DNAH9: variants seen among roughly 807,000 people sequenced by gnomAD.
DNAH9 encodes the protein DNAH9 variant protein.
DNAH9 carries 345 observed loss-of-function variants against 471.6 expected under a neutral mutation model. That is an observed-to-expected ratio of 0.73 (90% CI 0.67 to 0.80). The LOEUF (loss-of-function observed/expected upper bound fraction) is 0.80, where lower values mean the gene tolerates loss of function less well. Among genes scored for constraint, DNAH9 ranks in the 30% least tolerant of loss-of-function variants. The pLI, the probability that DNAH9 is intolerant of heterozygous loss-of-function variation, is 0.00. For synonymous variants in DNAH9, 2,093 were observed against 2,123.6 expected, an observed-to-expected ratio of 0.99 and a Z score of 0.40; for missense variants, 5,407 against 5,609.2, an observed-to-expected ratio of 0.96 and a Z score of 1.15.
At chr17:11,728,013 TCTACGTC>T in intron 28 of DNAH9, 91 bp downstream of exon 28, 1 of 801,474 alleles carries the variant, frequency 1.2e-6, no homozygotes. Context: ...CTCCTGAGCA[TCTACGTC>T]CCTTTTTCCC....
At chr17:11,653,099 G>A (rs1285953052) in intron 14 of DNAH9, 97 bp downstream of exon 14, 4 of 1,286,756 alleles carry the variant, frequency 3.1e-6, no homozygotes, top group Non-Finnish European at 4.3e-6. Flanking sequence ...GTCAGTAAGT[G>A]CAGTGTCTTC....
intron 1 of DNAH9, among the ~76,000 whole-genome samples, chr17:11,604,098 C>G (rs1040333082): frequency 2.6e-5 from 4 of 151,678 alleles, no homozygotes; most frequent in Admixed American, 6.6e-5. Flanking sequence ...TCTCCGCTTG[C>G]TGCAACCTCC....
At chr17:11,948,298 G>T (rs894982885) in intron 67 of DNAH9, among the ~76,000 whole-genome samples, 1 of 136,796 alleles carries the variant, frequency 7.3e-6, no homozygotes, top group Non-Finnish European at 1.5e-5. Flanking sequence ...ACACGATCTC[G>T]GCTCACTGCA....
chr17:11,861,722 T>A (rs202106198), intron 50 of DNAH9, among the ~76,000 whole-genome samples: 1 of 151,988 alleles, frequency 6.6e-6, no homozygotes, highest in South Asian at 2.1e-4. Context: ...CCATTCTAAC[T>A]GGTGTGAGAT....
chr17:11,677,484 G>T (rs1260905643), intron 17 of DNAH9, among the ~76,000 whole-genome samples: 3 of 152,044 alleles, frequency 2.0e-5, no homozygotes, highest in Non-Finnish European at 4.4e-5. Context: ...GGTGACATTT[G>T]CTTAGTGCAT....
chr17:11,864,861 T>G (rs201594109), intron 50 of DNAH9, among the ~76,000 whole-genome samples: 66,572 of 151,420 alleles, frequency 0.44, 15,589 homozygotes, highest in Non-Finnish European at 0.53. Context: ...CTTTTTTTGT[T>G]TTCCATTTGC....
At chr17:11,655,646 A>G (rs2150708240) in intron 14 of DNAH9, among the ~76,000 whole-genome samples, 1 of 150,930 alleles carries the variant, frequency 6.6e-6, no homozygotes, top group African/African-American at 2.4e-5. Context: ...GTATATACAT[A>G]GACACACACA....
intron 14 of DNAH9, among the ~76,000 whole-genome samples, chr17:11,664,076 A>G (rs1227477900): frequency 2.0e-5 from 3 of 152,214 alleles, no homozygotes; most frequent in Admixed American, 6.5e-5. Flanking sequence ...TTCTGAAGAT[A>G]TTAGATAACT....
At chr17:11,731,882 C>T (rs1020349234) in intron 28 of DNAH9, among the ~76,000 whole-genome samples, 2 of 152,110 alleles carry the variant, frequency 1.3e-5, no homozygotes, top group African/African-American at 2.4e-5. Flanking sequence ...GTCTTTATAG[C>T]AGCATGATTT....
At chr17:11,830,291 A>T (rs970646247) in intron 48 of DNAH9, among the ~76,000 whole-genome samples, 1 of 152,152 alleles carries the variant, frequency 6.6e-6, no homozygotes, top group East Asian at 1.9e-4. Context: ...TCCTCCCAGC[A>T]CCTACATTTA....
intron 49 of DNAH9, among the ~76,000 whole-genome samples, chr17:11,837,775 C>A (rs1350167300): frequency 6.6e-6 from 1 of 152,174 alleles, no homozygotes; most frequent in Non-Finnish European, 1.5e-5. Flanking sequence ...TTGCCTGTGC[C>A]ACCTCTTCTG....
chr17:11,605,160 C>A (rs1348929428), intron 1 of DNAH9, among the ~76,000 whole-genome samples: 1 of 152,154 alleles, frequency 6.6e-6, no homozygotes, highest in Non-Finnish European at 1.5e-5. Flanking sequence ...CAATATACTT[C>A]TCCCAAGGAT....
chr17:11,855,690 C>A (rs1277033919), intron 50 of DNAH9, among the ~76,000 whole-genome samples: 2 of 152,176 alleles, frequency 1.3e-5, no homozygotes, highest in Non-Finnish European at 2.9e-5. Flanking sequence ...GTTCCAACAG[C>A]TTAGATCTTG....
At chr17:11,737,452 A>G (rs1226336484) in intron 28 of DNAH9, among the ~76,000 whole-genome samples, 2 of 151,636 alleles carry the variant, frequency 1.3e-5, no homozygotes, top group Non-Finnish European at 2.9e-5. Flanking sequence ...AAAACCTTGC[A>G]CCGGCCCCAG....
chr17:11,693,159 C>T (rs545100002), intron 20 of DNAH9, among the ~76,000 whole-genome samples: 84 of 150,812 alleles, frequency 5.6e-4, no homozygotes, highest in Admixed American at 1.9e-3. Context: ...GTGATCCACC[C>T]GCCTCTGCCT....
intron 67 of DNAH9, among the ~76,000 whole-genome samples, chr17:11,947,022 C>T (rs1160955235): frequency 1.3e-5 from 2 of 152,204 alleles, no homozygotes; most frequent in African/African-American, 4.8e-5. Context: ...GTATTAGCTA[C>T]TGAAAAGCAC....
chr17:11,941,253 A>AC (rs961934131), intron 66 of DNAH9, among the ~76,000 whole-genome samples: 1 of 152,084 alleles, frequency 6.6e-6, no homozygotes, highest in African/African-American at 2.4e-5. Context: ...AACAGACAAA[A>AC]ACAGATATCC....
chr17:11,807,904 C>A lies in DNAH9; in HGVS notation c.8583+10C>A. On this transcript the variant is annotated intron_variant, in intron 44 of 68. Transcript: ENST00000262442. ...GATCCAGGACTTCAAGGTAAAAGGTCAGGCAGCTGCAGGGAGGAGGCTCAG... is the reference window on the plus strand; with the variant it reads ...GATCCAGGACTTCAAGGTAAAAGGTAAGGCAGCTGCAGGGAGGAGGCTCAG... The A allele has an allele frequency of 1.3e-6, 2 of 1,592,036 alleles. No individual in the cohort carries two copies. The highest frequency in any genetic ancestry group is 2.2e-5 in the South Asian group (2 of 89,938).
At chr17:11,728,081 G>C (rs1260407085) in intron 28 of DNAH9, 159 bp downstream of exon 28, 1 of 604,516 alleles carries the variant, frequency 1.7e-6, no homozygotes, top group Non-Finnish European at 3.0e-6. Flanking sequence ...CTCCAGGGAA[G>C]CTGTCCTCCA....
Sources: allele counts gnomAD v4.1 joint callset (sites outside exome capture counted in the v4.1 genomes callset), GRCh38; gene constraint gnomAD v4.1.1; transcripts MANE v1.5; gene names NCBI Gene and HGNC (gene_info 2026-07-23, HGNC 2026-07-21).